Variants in CTHRC1 observed in about 807,000 individuals in gnomAD.
CTHRC1 encodes the protein collagen triple helix repeat containing 1, also known as collagen triple helix repeat-containing protein 1.
A neutral mutation model predicts 25.9 loss-of-function variants in CTHRC1; 21 were observed. The ratio of observed to expected loss-of-function variants is 0.81; its 90% CI spans 0.57 to 1.17. The LOEUF (loss-of-function observed/expected upper bound fraction) is 1.17. CTHRC1 is among the 50% of genes most tolerant of loss of function. CTHRC1 has a pLI of 0.00. For synonymous variants in CTHRC1, 109 were observed against 113.1 expected (o/e 0.96, Z 0.23); for missense variants, 281 against 304.3 (o/e 0.92, Z 0.57).
rs181775784 is a variant in CTHRC1 at position 103,375,608 on chromosome 8, C to T, written c.151-130C>T. On this transcript the variant is annotated intron_variant, in intron 1 of 3. Coordinates refer to ENST00000330295, the MANE Select transcript of CTHRC1 (RefSeq NM_138455.4). ...AAATGAATTCTCTGTAATAACTCAT[C>T]TAGAACACGGGCATGTGGTATGAAG... 4.3e-4 allele frequency: 337 copies of T among 783,908 alleles called. 1 individual carries two copies. In the African/African-American group the frequency reaches 4.9e-3, roughly 11 times the overall value. The allele number at this position is 783,908 out of a possible 1,614,324, so 48.6% of individuals were successfully genotyped here.
intron 3 of CTHRC1, among the ~76,000 whole-genome samples, chr8:103,378,969 A>C (rs2130406223): frequency 6.6e-6 from 1 of 151,456 alleles, no homozygotes; most frequent in East Asian, 2.0e-4. Context: ...CTCCATCCTG[A>C]GTGATGACAG....
chr8:103,373,768 C>T (rs1288845838), intron 1 of CTHRC1, among the ~76,000 whole-genome samples: 1 of 149,542 alleles, frequency 6.7e-6, no homozygotes, highest in Admixed American at 6.7e-5. Context: ...CCAAGTGTCC[C>T]CTGGAGGACA....
At chr8:103,372,505 T>G in intron 1 of CTHRC1, 5 of 1,597,790 alleles carry the variant, frequency 3.1e-6, no homozygotes, top group Non-Finnish European at 4.2e-6. Context: ...TTGCTTCTGT[T>G]TAAACCAAAT....
chr8:103,377,815 G>A (rs1183113155), intron 2 of CTHRC1, among the ~76,000 whole-genome samples: 1 of 152,084 alleles, frequency 6.6e-6, no homozygotes, highest in Non-Finnish European at 1.5e-5. Context: ...TGTTGGCCAG[G>A]CTTGTCTCTA....
chr8:103,379,847 C>T (rs1414233859), intron 3 of CTHRC1, among the ~76,000 whole-genome samples: 1 of 152,196 alleles, frequency 6.6e-6, no homozygotes, highest in Non-Finnish European at 1.5e-5. Flanking sequence ...ATCCCCTCCA[C>T]ATTTTCCCTC....
intron 3 of CTHRC1, among the ~76,000 whole-genome samples, chr8:103,381,595 G>C (rs1217524140): frequency 6.6e-6 from 1 of 152,104 alleles, no homozygotes; most frequent in Non-Finnish European, 1.5e-5. Flanking sequence ...AAGCAGGGGG[G>C]ATTTTCTGTT....
intron 1 of CTHRC1, 53 bp downstream of exon 1, chr8:103,371,859 C>CCG: frequency 6.9e-7 from 1 of 1,448,018 alleles, no homozygotes; most frequent in Admixed American, 2.6e-5. Flanking sequence ...GGGGACCTGG[C>CCG]CGCGCGCCCC....
Position 103,375,743 on chromosome 8 carries a change from T to A in CTHRC1, c.156T>A (p.Asn52Lys), listed in dbSNP as rs1331288970. 6.2e-7 allele frequency: 1 copy of A among 1,613,430 alleles called. No homozygotes were observed. Among genetic ancestry groups the A allele is most frequent in the Non-Finnish European group, 8.5e-7 (1 of 1,179,498 alleles). Residue 52 changes from asparagine to lysine, a missense_variant, in exon 2 of 4, where the codon AAT becomes AAA. Physicochemically the swap from Asn to Lys is moderately conservative, Grantham distance 94. Coordinates refer to ENST00000330295, the MANE Select transcript of CTHRC1 (RefSeq NM_138455.4). Reference protein sequence around the residue: ...LRQREVVDLYNGMCLQGPAGV... With the variant: ...LRQREVVDLYKGMCLQGPAGV... ...CCTTTTCTTTCTCATTATAGTATAA[T>A]GGAATGTGCTTACAAGGGCCAGCAG...
intron 2 of CTHRC1, among the ~76,000 whole-genome samples, chr8:103,376,853 T>G (rs1183233275): frequency 6.6e-6 from 1 of 152,252 alleles, no homozygotes; most frequent in Admixed American, 6.5e-5. Context: ...AGAATTTCCA[T>G]GTAGCTTCCA....
At chr8:103,371,839 C>G (rs1256572542) in intron 1 of CTHRC1, 33 bp downstream of exon 1, 2 of 1,474,638 alleles carry the variant, frequency 1.4e-6, no homozygotes, top group African/African-American at 2.9e-5. Flanking sequence ...GGGACCGCCG[C>G]GCTGGTGGAG....
intron 3 of CTHRC1, among the ~76,000 whole-genome samples, chr8:103,378,554 A>G (rs1815850064): frequency 6.6e-6 from 1 of 152,230 alleles, no homozygotes; most frequent in South Asian, 2.1e-4. Context: ...GTTAAATGAC[A>G]TGGCAAAATA....
At position 103,371,731 on chromosome 8, in the gene CTHRC1, C is replaced by T. The variant is rs1024323350; in HGVS notation, c.75C>T (p.Pro25=). ...GLLLLLLLQL[P]APSSASEIPK... ...TGCTGCTCCTGCTGCTGCAGCTGCC[C>T]GCGCCGTCGAGCGCCTCTGAGATCC... The change falls in exon 1 of 4, where the codon CCC becomes CCT. Residue 25 remains proline, a synonymous_variant. Transcript: ENST00000330295. 1.3e-6 allele frequency: 2 copies of T among 1,535,616 alleles called. No homozygotes were observed. The highest frequency in any genetic ancestry group is 1.8e-6 in the Non-Finnish European group (2 of 1,141,632).
intron 3 of CTHRC1, among the ~76,000 whole-genome samples, chr8:103,382,188 T>A (rs987981099): frequency 2.6e-5 from 4 of 152,190 alleles, no homozygotes; most frequent in Admixed American, 6.5e-5. Flanking sequence ...TCTGTAAGTA[T>A]ACAAATTCTG....
At chr8:103,373,957 A>G (rs978211993) in intron 1 of CTHRC1, among the ~76,000 whole-genome samples, 1 of 152,182 alleles carries the variant, frequency 6.6e-6, no homozygotes, top group Non-Finnish European at 1.5e-5. Flanking sequence ...GAATTAAATT[A>G]CTAAAATAAA....
rs188821211 is a variant in CTHRC1, at chr8:103,378,683, A to G, written c.589+440A>G. Among the ~76,000 whole-genome samples the G allele has an allele frequency of 3.3e-4, 50 of 152,266 alleles. 1 individual carries two copies. Among genetic ancestry groups the G allele is most frequent in the Non-Finnish European group, 1.3e-4 (9 of 68,012 alleles). On this transcript the variant is annotated intron_variant, in intron 3 of 3. Transcript: ENST00000330295. ...CCACCCTTCCAGGGAGTCAGATTTAACAGGTCTGGGTGCAGACTTGGCAAT... is the reference window on the plus strand; with the variant it reads ...CCACCCTTCCAGGGAGTCAGATTTAGCAGGTCTGGGTGCAGACTTGGCAAT...
At chr8:103,374,865 G>A (rs1336272400) in intron 1 of CTHRC1, among the ~76,000 whole-genome samples, 1 of 152,134 alleles carries the variant, frequency 6.6e-6, no homozygotes, top group Non-Finnish European at 1.5e-5. Flanking sequence ...TGAGTAATTT[G>A]CCCTATCTCA....
chr8:103,371,872 G>T, intron 1 of CTHRC1, 66 bp downstream of exon 1: 2 of 1,423,706 alleles, frequency 1.4e-6, no homozygotes, highest in South Asian at 3.0e-5. Context: ...CGCGCCCCAC[G>T]GGCAGGGCGT....
At chr8:103,379,120 T>A (rs929958371) in intron 3 of CTHRC1, among the ~76,000 whole-genome samples, 5 of 152,248 alleles carry the variant, frequency 3.3e-5, no homozygotes, top group Admixed American at 1.3e-4. Context: ...CTGCTGAATT[T>A]GTAAAAGACA....
Position 103,378,103 on chromosome 8 carries a change from G to A in CTHRC1, c.449G>A (p.Arg150Lys). 1.2e-6 allele frequency: 2 copies of A among 1,614,208 alleles called. No individual in the cohort carries two copies. Among genetic ancestry groups the A allele is most frequent in the Non-Finnish European group, 1.7e-6 (2 of 1,180,024 alleles). Residue 150 changes from arginine (R) to lysine (K), a missense_variant, in exon 3 of 4, where the codon AGA becomes AAA. Physicochemically the swap from Arg to Lys is conservative, Grantham distance 26. Transcript: ENST00000330295. ...AGTGGCTCACTTCGGCTAAAATGCA[G>A]AAATGCATGCTGTCAGCGTTGGTAT... ...LFSGSLRLKC[R>K]NACCQRWYFT...
Sources: allele counts gnomAD v4.1 joint callset (sites outside exome capture counted in the v4.1 genomes callset), GRCh38; gene constraint gnomAD v4.1.1; transcripts MANE v1.5; gene names NCBI Gene and HGNC (gene_info 2026-07-23, HGNC 2026-07-21).